SCAMP1: variants seen among roughly 807,000 people sequenced by gnomAD.
The protein encoded by SCAMP1 is secretory carrier membrane protein 1, also known as secretory carrier-associated membrane protein 1.
In SCAMP1, 15 loss-of-function variants were observed where a neutral mutation model predicts 41.8. The observed-to-expected ratio is 0.36, with a 90% CI of 0.24 to 0.55. The LOEUF (loss-of-function observed/expected upper bound fraction) is 0.55, where lower values mean the gene tolerates loss of function less well. Ranked by LOEUF, SCAMP1 falls within the 20% of genes least tolerant of loss-of-function variation. SCAMP1 has a pLI of 0.86. For missense variants in SCAMP1, 341 were observed against 412.6 expected (o/e 0.83, Z 1.50); for synonymous variants, 135 against 136.8 (o/e 0.99, Z 0.09).
At chr5:78,446,944 C>G (rs941786058) in intron 6 of SCAMP1, among the ~76,000 whole-genome samples, 16 of 152,140 alleles carry the variant, frequency 1.1e-4, no homozygotes, top group African/African-American at 3.9e-4. Context: ...TGGCCAGTGA[C>G]CTGTTAGAAA....
At chr5:78,447,740 G>A (rs900242492) in intron 6 of SCAMP1, among the ~76,000 whole-genome samples, 1 of 152,038 alleles carries the variant, frequency 6.6e-6, no homozygotes, top group Non-Finnish European at 1.5e-5. Flanking sequence ...AAGAACAAGC[G>A]TGAATACACT....
At chr5:78,411,653 A>G (rs189701559) in intron 2 of SCAMP1, among the ~76,000 whole-genome samples, 2 of 152,240 alleles carry the variant, frequency 1.3e-5, no homozygotes, top group African/African-American at 4.8e-5. Context: ...CTATAGCTGT[A>G]TCAGTTTAAC....
At chr5:78,461,473 T>TGGTTTGTTA (rs1753612407) in intron 8 of SCAMP1, among the ~76,000 whole-genome samples, 1 of 152,228 alleles carries the variant, frequency 6.6e-6, no homozygotes, top group Non-Finnish European at 1.5e-5. Context: ...TTGTTAAAGA[T>TGGTTTGTTA]CAGTTGGTTG....
intron 6 of SCAMP1, among the ~76,000 whole-genome samples, chr5:78,425,508 T>C (rs1752447157): frequency 6.6e-6 from 1 of 152,202 alleles, no homozygotes; most frequent in Non-Finnish European, 1.5e-5. Flanking sequence ...TTTTTAAAAG[T>C]ATTTTAATAT....
chr5:78,407,495 T>G (rs945342757), intron 2 of SCAMP1, among the ~76,000 whole-genome samples: 2 of 152,102 alleles, frequency 1.3e-5, no homozygotes, highest in Non-Finnish European at 2.9e-5. Flanking sequence ...TTCTTGCAGT[T>G]TTTAAGGTTT....
In SCAMP1 at chr5:78,459,261, C is replaced by T. The variant is rs1753520332; in HGVS notation, c.751C>T (p.Leu251Phe). ...NWGNCGWISS[L>F]TGLNQNIPVG... ...ACTTTTTAGTGGTTGGATTTCATCC[C>T]TTACTGGTCTCAACCAAAATATTCC... The change falls in exon 8 of 9, where the codon CTT becomes TTT. Residue 251 changes from leucine (L) to phenylalanine (F), a missense_variant. Leu to Phe is a conservative substitution (Grantham distance 22). Transcript: ENST00000621999. 1.3e-6 allele frequency: 2 copies of T among 1,574,428 alleles called. No individual in the cohort carries two copies. The highest frequency in any genetic ancestry group is 1.7e-6 in the Non-Finnish European group (2 of 1,145,618).
chr5:78,431,525 T>C (rs1252999613), intron 6 of SCAMP1, among the ~76,000 whole-genome samples: 3 of 142,454 alleles, frequency 2.1e-5, no homozygotes, highest in Non-Finnish European at 4.5e-5. Flanking sequence ...TCTTTTCCTT[T>C]CTTTTTGCCT....
At chr5:78,366,285 A>T (rs1750794506) in intron 1 of SCAMP1, among the ~76,000 whole-genome samples, 1 of 151,894 alleles carries the variant, frequency 6.6e-6, no homozygotes, top group South Asian at 2.1e-4. Flanking sequence ...CTGGGATTAT[A>T]GGTGCATGCC....
At chr5:78,409,580 T>C (rs1192781538) in intron 2 of SCAMP1, among the ~76,000 whole-genome samples, 1 of 152,174 alleles carries the variant, frequency 6.6e-6, no homozygotes, top group Non-Finnish European at 1.5e-5. Context: ...GCTAATCCAC[T>C]ATGTTGTGGC....
chr5:78,474,359 G>C (rs1753954579), intron 8 of SCAMP1, among the ~76,000 whole-genome samples: 1 of 152,140 alleles, frequency 6.6e-6, no homozygotes, highest in Admixed American at 6.5e-5. Flanking sequence ...CCTCTCCCAA[G>C]CTTTGAACCA....
intron 6 of SCAMP1, among the ~76,000 whole-genome samples, chr5:78,446,389 A>T (rs1422330367): frequency 1.3e-5 from 2 of 152,196 alleles, no homozygotes; most frequent in African/African-American, 4.8e-5. Flanking sequence ...AGCTGTTGTG[A>T]AGGCTGTAGA....
chr5:78,463,546 T>C (rs1753668089), intron 8 of SCAMP1, among the ~76,000 whole-genome samples: 1 of 152,268 alleles, frequency 6.6e-6, no homozygotes, highest in East Asian at 1.9e-4. Context: ...CTCACAGTAA[T>C]GCCTCATAAA....
chr5:78,433,336 G>A (rs958073504), intron 6 of SCAMP1, among the ~76,000 whole-genome samples: 1 of 151,904 alleles, frequency 6.6e-6, no homozygotes, highest in Non-Finnish European at 1.5e-5. Context: ...TTTTGAAGAC[G>A]GTAGAGACTG....
rs1242809634 is a variant in SCAMP1, at chr5:78,385,996, A to G, written c.58-2841A>G. ...TTGTCCTAGGGTATAGTTTAAATCC[A>G]TTGTTTCTTTGTTGACTTTTTGTCT... On this transcript the variant is annotated intron_variant, in intron 1 of 8. Coordinates refer to ENST00000621999, the MANE Select transcript of SCAMP1 (RefSeq NM_004866.6). Among the ~76,000 whole-genome samples the G allele has an allele frequency of 4.6e-5, 7 of 152,024 alleles. No homozygotes were observed. In the East Asian group the frequency reaches 1.3e-3, roughly 29 times the overall value.
intron 2 of SCAMP1, among the ~76,000 whole-genome samples, chr5:78,397,031 T>G (rs1238239522): frequency 6.6e-6 from 1 of 152,172 alleles, no homozygotes; most frequent in Non-Finnish European, 1.5e-5. Context: ...CAGAGAGTTT[T>G]TTTTAGGGAA....
intron 2 of SCAMP1, among the ~76,000 whole-genome samples, chr5:78,392,586 A>G (rs1209577594): frequency 6.6e-6 from 1 of 152,214 alleles, no homozygotes; most frequent in Non-Finnish European, 1.5e-5. Flanking sequence ...AGATTTTCTG[A>G]AAGTGAATAG....
At chr5:78,388,140 A>G (rs958878502) in intron 1 of SCAMP1, among the ~76,000 whole-genome samples, 2 of 152,146 alleles carry the variant, frequency 1.3e-5, no homozygotes, top group African/African-American at 4.8e-5. Flanking sequence ...GAGGTTCACG[A>G]TGTAGGTCTC....
chr5:78,383,806 C>A (rs1461334429), intron 1 of SCAMP1, among the ~76,000 whole-genome samples: 1 of 152,126 alleles, frequency 6.6e-6, no homozygotes, highest in African/African-American at 2.4e-5. Context: ...TGTTTTTATA[C>A]CAGTACCATG....
chr5:78,397,949 C>T (rs1407026483), intron 2 of SCAMP1, among the ~76,000 whole-genome samples: 3 of 152,142 alleles, frequency 2.0e-5, no homozygotes, highest in Non-Finnish European at 4.4e-5. Context: ...CAGGCAATAG[C>T]GAGTATTGGC....
Sources: allele counts gnomAD v4.1 joint callset (sites outside exome capture counted in the v4.1 genomes callset), GRCh38; gene constraint gnomAD v4.1.1; transcripts MANE v1.5; gene names NCBI Gene and HGNC (gene_info 2026-07-23, HGNC 2026-07-21).